Variants in LPA observed in about 807,000 individuals in gnomAD.
LPA encodes apolipoprotein(a).
Under a neutral mutation model 197.9 loss-of-function variants are expected in LPA, and 199 were observed. The observed-to-expected ratio is 1.01, with a 90% CI of 0.90 to 1.13. LPA has a LOEUF of 1.13. LPA is among the 50% of genes most tolerant of loss of function. The pLI, the probability that LPA is intolerant of heterozygous loss-of-function variation, is 0.00. For missense variants in LPA, 1,853 were observed against 1,785.8 expected, an observed-to-expected ratio of 1.04 and a Z score of -0.68; for synonymous variants, 715 against 639.5, an observed-to-expected ratio of 1.12 and a Z score of -1.78.
At chr6:160,579,410 C>G (rs938816614) in intron 26 of LPA, among the ~76,000 whole-genome samples, 2 of 152,174 alleles carry the variant, frequency 1.3e-5, no homozygotes, top group Non-Finnish European at 2.9e-5. Context: ...ACGACCTCCT[C>G]TCCTGCTCTC....
chr6:160,660,376 T>C (rs1052266950), intron 1 of LPA, among the ~76,000 whole-genome samples: 1 of 152,118 alleles, frequency 6.6e-6, no homozygotes, highest in African/African-American at 2.4e-5. Context: ...ATCTCTGGGG[T>C]TTCAGATTCT....
intron 28 of LPA, among the ~76,000 whole-genome samples, chr6:160,569,883 A>G (rs1427347145): frequency 6.6e-6 from 1 of 152,226 alleles, no homozygotes; most frequent in Non-Finnish European, 1.5e-5. Flanking sequence ...CACATGAAAA[A>G]GTGCTCACCA....
intron 21 of LPA, among the ~76,000 whole-genome samples, chr6:160,594,369 A>G (rs903059560): frequency 1.3e-5 from 2 of 152,234 alleles, no homozygotes; most frequent in Admixed American, 6.5e-5. Flanking sequence ...TATCAGTCAA[A>G]ATTGCACTCA....
chr6:160,571,106 T>C (rs1453225912), intron 28 of LPA, among the ~76,000 whole-genome samples: 1 of 152,200 alleles, frequency 6.6e-6, no homozygotes, highest in East Asian at 1.9e-4. Flanking sequence ...CACGCTTTAC[T>C]TCATTAAGTT....
chr6:160,553,040 T>C (rs1221469396), intron 30 of LPA, among the ~76,000 whole-genome samples: 2 of 152,200 alleles, frequency 1.3e-5, no homozygotes, highest in Non-Finnish European at 2.9e-5. Flanking sequence ...CATTCAACCA[T>C]CTATTAATAT....
Position 160,654,002 on chromosome 6 carries a change from ATAATATATAT to A in LPA, c.50-3515_50-3506del, listed in dbSNP as rs1780065386. On this transcript the variant is annotated intron_variant, in intron 1 of 38. Coordinates refer to ENST00000316300, the MANE Select transcript of LPA (RefSeq NM_005577.4). ...ATATAATATATAATATATATTATATATAATATATATTATATATAATATATAATATATATTA... is the reference window on the plus strand; with the variant it reads ...ATATAATATATAATATATATTATATATATATATAATATATAATATATATTA... 1.1e-4 allele frequency among the ~76,000 whole-genome samples: 2 copies of A among 17,404 alleles called. 1 individual carries two copies. The highest frequency in any genetic ancestry group is 2.5e-3 in the Admixed American group (2 of 790). The allele number at this position is 17,404 out of a possible 152,430, so 11.4% of individuals were successfully genotyped here. A position where few individuals can be genotyped will look rare whatever the true frequency, so the allele number is the denominator to read the frequency against.
At chr6:160,570,304 C>T (rs1256963682) in intron 28 of LPA, among the ~76,000 whole-genome samples, 1 of 152,182 alleles carries the variant, frequency 6.6e-6, no homozygotes, top group African/African-American at 2.4e-5. Flanking sequence ...ACTATGCAGC[C>T]ATAAAGAAGG....
chr6:160,539,215 C>T (rs1777939216), intron 36 of LPA, among the ~76,000 whole-genome samples: 1 of 152,150 alleles, frequency 6.6e-6, no homozygotes, highest in Non-Finnish European at 1.5e-5. Context: ...GCCACCAGCA[C>T]AGCGAGCACC....
At chr6:160,594,169 C>T in intron 21 of LPA, 52 bp from the exon 22 acceptor site, 1 of 1,605,494 alleles carries the variant, frequency 6.2e-7, no homozygotes. Context: ...AACACAGAAG[C>T]ATCAGAAGAA....
chr6:160,657,719 C>T (rs1780155816), intron 1 of LPA, among the ~76,000 whole-genome samples: 1 of 152,042 alleles, frequency 6.6e-6, no homozygotes, highest in Admixed American at 6.6e-5. Context: ...TTTCTAAGTC[C>T]CCGAGCTGCA....
intron 24 of LPA, among the ~76,000 whole-genome samples, chr6:160,587,846 C>T (rs1562333234): frequency 6.8e-6 from 1 of 147,934 alleles, no homozygotes; most frequent in Non-Finnish European, 1.5e-5. Flanking sequence ...TGTGTAGCTC[C>T]TATTGAATTA....
rs144905124 is a variant in LPA, at chr6:160,611,295, G to C, written c.2603+267C>G. ...TGGGCAAGGGTAATCTAAGTGTTTG[G>C]TGGTTCGTCATTCTGACTTTCTTCA... is the stretch of plus-strand genomic sequence containing the variant. On this transcript the variant is annotated intron_variant, in intron 16 of 38. Coordinates refer to ENST00000316300, the MANE Select transcript of LPA (RefSeq NM_005577.4). 1.7e-3 allele frequency among the ~76,000 whole-genome samples: 261 copies of C among 152,156 alleles called. 3 individuals are homozygous for C. Among genetic ancestry groups the C allele is most frequent in the African/African-American group, 5.8e-3 (241 of 41,492 alleles).
rs147603243 is a variant in LPA, at chr6:160,598,014, C to G, written c.3287+1486G>C. Among the ~76,000 whole-genome samples, 6 of 152,244 alleles carry G rather than the reference C, an allele frequency of 3.9e-5. No individual in the cohort carries two copies. In the East Asian group the frequency reaches 1.2e-3, roughly 29 times the overall value. ...CTTTGCTAGGTTTTTTCTGGAGCTG[C>G]CTTTATTCTAGGAATATACAAAGTC... On this transcript the variant is annotated intron_variant, in intron 20 of 38. Coordinates refer to ENST00000316300, the MANE Select transcript of LPA (RefSeq NM_005577.4).
intron 28 of LPA, among the ~76,000 whole-genome samples, chr6:160,572,174 C>T (rs2115025458): frequency 6.6e-6 from 1 of 152,314 alleles, no homozygotes; most frequent in East Asian, 1.9e-4. Flanking sequence ...GACACCCCAC[C>T]CTGCTTCAGG....
intron 1 of LPA, among the ~76,000 whole-genome samples, chr6:160,651,708 C>A (rs1171926046): frequency 2.0e-5 from 3 of 152,098 alleles, no homozygotes; most frequent in African/African-American, 7.2e-5. Context: ...GACAGACAGA[C>A]TCAGAAAAGA....
intron 30 of LPA, among the ~76,000 whole-genome samples, chr6:160,553,153 C>T (rs73784285): frequency 0.021 from 3,183 of 152,200 alleles, 108 homozygotes; most frequent in African/African-American, 0.072. Context: ...CTACTACATA[C>T]GTTGAAACAA....
At chr6:160,590,041 C>T (rs1037374511) in intron 23 of LPA, among the ~76,000 whole-genome samples, 9 of 152,316 alleles carry the variant, frequency 5.9e-5, no homozygotes, top group African/African-American at 2.2e-4. Context: ...GACCAGAGTG[C>T]CATGCATCAG....
chr6:160,661,361 A>T (rs1780223669), intron 1 of LPA, among the ~76,000 whole-genome samples: 1 of 152,194 alleles, frequency 6.6e-6, no homozygotes, highest in Non-Finnish European at 1.5e-5. Context: ...AAGCAGCGAG[A>T]CTTCTAGGGA....
chr6:160,560,117 A>G (rs1431000720), intron 28 of LPA, among the ~76,000 whole-genome samples: 2 of 152,026 alleles, frequency 1.3e-5, no homozygotes, highest in African/African-American at 2.4e-5. Flanking sequence ...AAAGACATGA[A>G]CTCATCCTGT....
Sources: gnomAD v4.1 joint callset for allele counts (sites outside exome capture counted in the v4.1 genomes callset) on GRCh38, gnomAD v4.1.1 for gene constraint, MANE v1.5 for transcripts, NCBI Gene and HGNC (gene_info 2026-07-23, HGNC 2026-07-21) for gene names.